Variants in SOS1 observed in about 807,000 individuals in gnomAD.
SOS1 encodes son of sevenless homolog 1.
A neutral mutation model predicts 157.6 loss-of-function variants in SOS1; 25 were observed. The observed-to-expected ratio is 0.16, with a 90% confidence interval of 0.12 to 0.22. The LOEUF (loss-of-function observed/expected upper bound fraction) is 0.22. Among genes scored for constraint, SOS1 ranks in the 10% least tolerant of loss-of-function variants. The pLI is 1.00. For missense variants in SOS1, 1,237 were observed against 1,599.1 expected, an observed-to-expected ratio of 0.77 and a Z score of 3.86; for synonymous variants, 528 against 534.0, an observed-to-expected ratio of 0.99 and a Z score of 0.16.
In SOS1 at chr2:39,115,995, T is replaced by C. The variant is rs540304266; in HGVS notation, c.87+4341A>G. Among the ~76,000 whole-genome samples the C allele has an allele frequency of 2.0e-5, 3 of 152,268 alleles. No individual in the cohort carries two copies. In the East Asian group the frequency reaches 5.8e-4, roughly 29 times the overall value. On this transcript the variant is annotated intron_variant, in intron 1 of 22. Coordinates refer to ENST00000402219, the MANE Select transcript of SOS1 (RefSeq NM_005633.4). ...GTTTGTATCACAATTTGCTTATTCA[T>C]TCACCTGCTGACGAACATTGGATTG...
intron 1 of SOS1, among the ~76,000 whole-genome samples, chr2:39,090,450 C>T (rs908951466): frequency 4.6e-5 from 7 of 152,040 alleles, no homozygotes; most frequent in African/African-American, 1.4e-4. Context: ...AATCCCAGCA[C>T]TTTGTGAGGC....
At chr2:39,099,841 T>C (rs769538105) in intron 1 of SOS1, among the ~76,000 whole-genome samples, 13 of 152,088 alleles carry the variant, frequency 8.5e-5, no homozygotes, top group Non-Finnish European at 1.3e-4. Flanking sequence ...CCAGTTCAAG[T>C]GATGCTCCTG....
intron 1 of SOS1, among the ~76,000 whole-genome samples, chr2:39,105,370 G>A (rs1425780454): frequency 6.6e-6 from 1 of 151,526 alleles, no homozygotes; most frequent in East Asian, 1.9e-4. Context: ...AGCTGGTACA[G>A]CATCCTAAAG....
At chr2:39,085,968 A>T (rs1672352783) in intron 1 of SOS1, among the ~76,000 whole-genome samples, 1 of 152,242 alleles carries the variant, frequency 6.6e-6, no homozygotes, top group African/African-American at 2.4e-5. Context: ...TAAAAAGGTT[A>T]AGTGTGGGCT....
At chr2:39,101,814 G>A (rs1257039930) in intron 1 of SOS1, among the ~76,000 whole-genome samples, 1 of 152,066 alleles carries the variant, frequency 6.6e-6, no homozygotes, top group Non-Finnish European at 1.5e-5. Context: ...GAAGGTGAGG[G>A]AACAGCTTAA....
intron 2 of SOS1, among the ~76,000 whole-genome samples, chr2:39,064,543 T>C (rs941866148): frequency 6.6e-6 from 1 of 152,142 alleles, no homozygotes; most frequent in Non-Finnish European, 1.5e-5. Flanking sequence ...CATCATTAAC[T>C]ATAGTCACCA....
chr2:39,097,153 G>A (rs1055384562), intron 1 of SOS1, among the ~76,000 whole-genome samples: 1 of 152,122 alleles, frequency 6.6e-6, no homozygotes, highest in Non-Finnish European at 1.5e-5. Context: ...ACGGAAAAAA[G>A]TAGACTTTAT....
chr2:39,003,960 T>A (rs1345599819), intron 17 of SOS1, among the ~76,000 whole-genome samples: 1 of 152,022 alleles, frequency 6.6e-6, no homozygotes, highest in African/African-American at 2.4e-5. Context: ...TGTAGCACCA[T>A]CCCAATTAGG....
Position 38,986,314 on chromosome 2 carries a change from A to T in SOS1, c.3512T>A (p.Ile1171Asn), listed in dbSNP as rs767291758. ...SAPAESSPSK[I>N]MSKHLDSPPA... Reference sequence around the variant, plus strand: ...GGGACTGTCCAAATGCTTAGACATAATCTAACAAATGAAAAGAATAAAATA... The same window carrying T: ...GGGACTGTCCAAATGCTTAGACATATTCTAACAAATGAAAAGAATAAAATA... Residue 1171 changes from isoleucine (I) to asparagine (N), a missense_variant and splice_region_variant, in exon 23 of 23, where the codon ATT becomes AAT. By Grantham distance (149) the Ile-to-Asn change is moderately radical (BLOSUM62 -3). Transcript: ENST00000402219. 2.5e-6 allele frequency: 4 copies of T among 1,611,268 alleles called. No homozygotes were observed. The highest frequency in any genetic ancestry group is 3.4e-6 in the Non-Finnish European group (4 of 1,178,194).
chr2:39,051,227 C>G lies in SOS1; in HGVS notation c.781G>C (p.Gly261Arg), dbSNP rs1307150340. The G allele has an allele frequency of 1.2e-6, 2 of 1,611,658 alleles. No homozygotes were observed. The highest frequency in any genetic ancestry group is 8.5e-7 in the Non-Finnish European group (1 of 1,178,020). ...ATTTCTACTGTATCTTCTATATGGC[C>G]CAGTAACTTTACACTAAGTTCATGT... ...DIHELSVKLL[G>R]HIEDTVEMTD... The change falls in exon 6 of 23, where the codon GGC (glycine) becomes CGC (arginine). Residue 261 changes from glycine to arginine, a missense_variant. By Grantham distance (125) the Gly-to-Arg change is moderately radical. Coordinates refer to ENST00000402219, the MANE Select transcript of SOS1 (RefSeq NM_005633.4).
intron 10 of SOS1, among the ~76,000 whole-genome samples, chr2:39,015,101 G>A (rs1325687097): frequency 6.6e-6 from 1 of 152,010 alleles, no homozygotes; most frequent in Non-Finnish European, 1.5e-5. Flanking sequence ...ATCGGCCACA[G>A]GAATGAGCAA....
chr2:39,002,042 C>T (rs577216293), intron 17 of SOS1, among the ~76,000 whole-genome samples: 11 of 152,270 alleles, frequency 7.2e-5, no homozygotes, highest in Admixed American at 2.6e-4. Flanking sequence ...TATGGCCAGG[C>T]GCAGTGGCTC....
At chr2:39,034,523 TAG>T (rs1046346045) in intron 8 of SOS1, among the ~76,000 whole-genome samples, 5 of 152,198 alleles carry the variant, frequency 3.3e-5, no homozygotes, top group African/African-American at 1.2e-4. Flanking sequence ...CCATTAAAGG[TAG>T]AGAGAATATC....
chr2:39,063,273 C>T (rs1671473988), intron 2 of SOS1, among the ~76,000 whole-genome samples: 1 of 151,994 alleles, frequency 6.6e-6, no homozygotes, highest in South Asian at 2.1e-4. Context: ...CAGGCACAAG[C>T]CACTACACTT....
At position 39,056,743 on chromosome 2, in the gene SOS1, T is replaced by C; in HGVS notation, c.469A>G (p.Ile157Val). ...GCCACTTTAATATCTTGTTTTGTAA[T>C]TTCATAATGCCGTATATTTCTTACA... ...NYVRNIRHYE[I>V]TKQDIKVAMC... The change falls in exon 4 of 23, where the codon ATT (isoleucine) becomes GTT (valine). Residue 157 changes from isoleucine to valine, a missense_variant. Physicochemically the swap from Ile to Val is conservative, Grantham distance 29 (BLOSUM62 3). This residue lies in a region of SOS1 where 17 missense variants were observed against 52.7 expected (regional missense o/e 0.32). Coordinates refer to ENST00000402219, the MANE Select transcript of SOS1 (RefSeq NM_005633.4). The C allele has an allele frequency of 6.2e-7, 1 of 1,606,590 alleles. No homozygotes were observed. The highest frequency in any genetic ancestry group is 8.5e-7 in the Non-Finnish European group (1 of 1,173,308).
chr2:39,015,177 T>A (rs1296000819), intron 10 of SOS1, among the ~76,000 whole-genome samples: 3 of 151,708 alleles, frequency 2.0e-5, no homozygotes, highest in African/African-American at 4.8e-5. Context: ...GATCTCAAAG[T>A]ATCACCAGTT....
At chr2:38,996,709 C>G (rs1431253072) in intron 19 of SOS1, among the ~76,000 whole-genome samples, 1 of 152,100 alleles carries the variant, frequency 6.6e-6, no homozygotes, top group Non-Finnish European at 1.5e-5. Flanking sequence ...AATATTTGCT[C>G]AATTTCATCA....
At chr2:39,014,376 G>A (rs555197477) in intron 11 of SOS1, among the ~76,000 whole-genome samples, 13 of 152,044 alleles carry the variant, frequency 8.6e-5, no homozygotes, top group African/African-American at 2.9e-4. Context: ...CTTTGTTTGG[G>A]TACATGAAAT....
intron 20 of SOS1, among the ~76,000 whole-genome samples, chr2:38,994,506 G>A (rs1291824395): frequency 6.6e-6 from 1 of 152,182 alleles, no homozygotes; most frequent in African/African-American, 2.4e-5. Flanking sequence ...GTGGAGAGTA[G>A]ATGGTGTACC....
Sources: allele counts gnomAD v4.1 joint callset (sites outside exome capture counted in the v4.1 genomes callset), GRCh38; gene constraint gnomAD v4.1.1; regional missense constraint gnomAD v4.1.1; transcripts MANE v1.5; gene names NCBI Gene and HGNC (gene_info 2026-07-23, HGNC 2026-07-21).